CD163L1: variants seen among roughly 807,000 people sequenced by gnomAD.
CD163L1 encodes CD163 molecule like 1.
Under a neutral mutation model 165.4 loss-of-function variants are expected in CD163L1, and 124 were observed. The observed-to-expected ratio is 0.75, with a 90% CI of 0.65 to 0.87. CD163L1 has a LOEUF of 0.87. Among genes scored for constraint, CD163L1 ranks in the 40% least tolerant of loss-of-function variants. CD163L1 has a pLI of 0.00. For synonymous variants in CD163L1, 585 were observed against 662.2 expected, an observed-to-expected ratio of 0.88 and a Z score of 1.79; for missense variants, 1,525 against 1,799.9, an observed-to-expected ratio of 0.85 and a Z score of 2.76.
At chr12:7,334,586 A>T in the CD163L1 span, among the ~76,000 whole-genome samples, 535 of 152,324 alleles carry the variant, frequency 3.5e-3, 3 homozygotes, top group African/African-American at 0.012. Flanking sequence ...GGCACAAGAC[A>T]GGGATGCCTT....
intron 2 of CD163L1, among the ~76,000 whole-genome samples, chr12:7,435,423 A>G (rs937619610): frequency 1.3e-5 from 2 of 151,872 alleles, no homozygotes; most frequent in African/African-American, 4.8e-5. Flanking sequence ...AGTTGAACAG[A>G]TATTTCACAG....
intron 9 of CD163L1, among the ~76,000 whole-genome samples, chr12:7,376,929 G>T (rs939058019): frequency 9.9e-5 from 15 of 152,236 alleles, no homozygotes; most frequent in Non-Finnish European, 1.8e-4. Context: ...TATTTAAAAT[G>T]ATGTATCAGG....
the CD163L1 span, chr12:7,328,273 T>C: frequency 1.3e-6 from 2 of 1,565,878 alleles, no homozygotes; most frequent in East Asian, 2.3e-5. Context: ...ATCACGTTTT[T>C]TTCTGTCAAT....
chr12:7,322,232 T>C, the CD163L1 span, among the ~76,000 whole-genome samples: 2 of 152,232 alleles, frequency 1.3e-5, no homozygotes, highest in African/African-American at 4.8e-5. Flanking sequence ...TAATCACTAA[T>C]GTGCCCCCAT....
chr12:7,392,190 C>T (rs1035500068), intron 8 of CD163L1, among the ~76,000 whole-genome samples: 1 of 152,214 alleles, frequency 6.6e-6, no homozygotes, highest in Admixed American at 6.5e-5. Context: ...CACTCCTCAG[C>T]AAATGTAAAA....
At chr12:7,319,978 C>A in the CD163L1 span, among the ~76,000 whole-genome samples, 1 of 152,204 alleles carries the variant, frequency 6.6e-6, no homozygotes, top group Admixed American at 6.5e-5. Flanking sequence ...GGAGCAGATA[C>A]ACATGGTAGA....
chr12:7,363,066 G>A (rs377243994), intron 18 of CD163L1, among the ~76,000 whole-genome samples: 5 of 152,006 alleles, frequency 3.3e-5, no homozygotes, highest in African/African-American at 1.2e-4. Context: ...TAAGAGGGAC[G>A]TTTATAGCAG....
chr12:7,326,696 A>G, the CD163L1 span, among the ~76,000 whole-genome samples: 14 of 152,228 alleles, frequency 9.2e-5, no homozygotes, highest in Admixed American at 8.5e-4. Context: ...AAATAGGATC[A>G]GTCTGATTGA....
chr12:7,337,492 A>G, the CD163L1 span, among the ~76,000 whole-genome samples: 1 of 152,226 alleles, frequency 6.6e-6, no homozygotes, highest in African/African-American at 2.4e-5. Context: ...AAACAATCCC[A>G]TCAAAAAGTG....
chr12:7,329,336 A>ATTTT, the CD163L1 span, among the ~76,000 whole-genome samples: 1 of 139,080 alleles, frequency 7.2e-6, no homozygotes, highest in Admixed American at 7.1e-5. Flanking sequence ...ACCATATTTA[A>ATTTT]TTTTTTTTTC....
At chr12:7,336,856 T>G in the CD163L1 span, among the ~76,000 whole-genome samples, 1 of 152,060 alleles carries the variant, frequency 6.6e-6, no homozygotes, top group Non-Finnish European at 1.5e-5. Flanking sequence ...AGGGCCCGTA[T>G]AGCCAAGACA....
At chr12:7,439,599 GT>G in intron 2 of CD163L1, 2 of 1,591,170 alleles carry the variant, frequency 1.3e-6, no homozygotes, top group Non-Finnish European at 1.7e-6. Flanking sequence ...CCTCAAATAT[GT>G]CGTTATTTAA....
exon 5 of CD163L1, chr12:7,346,835 C>T (rs758416837): frequency 1.0e-3 from 156 of 152,322 alleles, no homozygotes; most frequent in African/African-American, 3.5e-3. Flanking sequence ...GAAACCGTAT[C>T]TTCCATGAAC....
intron 18 of CD163L1, among the ~76,000 whole-genome samples, chr12:7,361,046 T>C (rs1946880551): frequency 6.6e-6 from 1 of 152,188 alleles, no homozygotes; most frequent in Non-Finnish European, 1.5e-5. Context: ...TTACCATCTC[T>C]GGTGGTTTAT....
chr12:7,384,584 C>A (rs1302865415), intron 8 of CD163L1, among the ~76,000 whole-genome samples: 1 of 152,020 alleles, frequency 6.6e-6, no homozygotes, highest in Non-Finnish European at 1.5e-5. Flanking sequence ...AAACCCAGAT[C>A]AGATGAATGG....
At chr12:7,383,877 A>C (rs1947462318) in intron 8 of CD163L1, among the ~76,000 whole-genome samples, 1 of 152,248 alleles carries the variant, frequency 6.6e-6, no homozygotes, top group Admixed American at 6.5e-5. Context: ...AGATGCACAG[A>C]TATCAATGTA....
intron 8 of CD163L1, among the ~76,000 whole-genome samples, chr12:7,394,503 T>C (rs767394219): frequency 1.3e-5 from 2 of 152,238 alleles, no homozygotes; most frequent in East Asian, 3.9e-4. Context: ...GAAGAAAACC[T>C]AGGCAATACC....
At chr12:7,402,989 A>C (rs1338911514) in intron 6 of CD163L1, among the ~76,000 whole-genome samples, 1 of 152,086 alleles carries the variant, frequency 6.6e-6, no homozygotes, top group African/African-American at 2.4e-5. Context: ...GAAATGTTTT[A>C]TACTTAAAAT....
the CD163L1 span, among the ~76,000 whole-genome samples, chr12:7,335,113 A>T: frequency 1.3e-5 from 2 of 152,172 alleles, no homozygotes. Flanking sequence ...GCTACCAATG[A>T]CTTTCTTCAC....
Sources: allele counts gnomAD v4.1 joint callset (sites outside exome capture counted in the v4.1 genomes callset), GRCh38; gene constraint gnomAD v4.1.1; transcripts MANE v1.5; gene names NCBI Gene and HGNC (gene_info 2026-07-23, HGNC 2026-07-21).